The following GRIP1 variants were observed in gnomAD, a reference collection of about 807,000 sequenced individuals.
The protein encoded by GRIP1 is glutamate receptor interacting protein 1.
In GRIP1, 45 loss-of-function variants were observed where a neutral mutation model predicts 129.9. That is an observed-to-expected ratio of 0.35 (90% CI 0.27 to 0.44). The LOEUF (loss-of-function observed/expected upper bound fraction) is 0.44, where lower values mean the gene tolerates loss of function less well. Ranked by LOEUF, GRIP1 falls within the 20% of genes least tolerant of loss-of-function variation. The pLI, the probability that GRIP1 is intolerant of heterozygous loss-of-function variation, is 1.00. For synonymous variants in GRIP1, 530 were observed against 520.8 expected, an observed-to-expected ratio of 1.02 and a Z score of -0.24; for missense variants, 1,196 against 1,396.8, an observed-to-expected ratio of 0.86 and a Z score of 2.29.
Position 66,674,549 on chromosome 12 carries a change from G to A in GRIP1, c.55+4301C>T, listed in dbSNP as rs577787540. Among the ~76,000 whole-genome samples, 6 of 152,240 alleles carry A rather than the reference G, an allele frequency of 3.9e-5. No homozygotes were observed. The East Asian group carries it at 5.8e-4, about 15-fold the overall frequency. On this transcript the variant is annotated intron_variant, in intron 1 of 24. Transcript: ENST00000359742. ...TGTCAGAGTTTAAAGGGATTTAGAC[G>A]TCACCTGAGTAATCCATTAAAAGTT...
At chr12:66,572,117 A>C (rs1398753620) in intron 2 of GRIP1, among the ~76,000 whole-genome samples, 3 of 152,208 alleles carry the variant, frequency 2.0e-5, no homozygotes, top group Admixed American at 2.0e-4. Context: ...TACTCAACAG[A>C]AAGTTTATAT....
intron 1 of GRIP1, among the ~76,000 whole-genome samples, chr12:66,674,035 G>A (rs1033187246): frequency 1.3e-5 from 2 of 152,162 alleles, no homozygotes; most frequent in Non-Finnish European, 2.9e-5. Flanking sequence ...GGAAAGGGGT[G>A]GAAAGTTAAC....
chr12:66,717,666 C>T (rs983679431), intron 1 of GRIP1, among the ~76,000 whole-genome samples: 1 of 152,170 alleles, frequency 6.6e-6, no homozygotes, highest in Non-Finnish European at 1.5e-5. Context: ...TTGACTCTCT[C>T]TGTCTGCTTA....
At chr12:66,426,112 A>G (rs375368438) in intron 14 of GRIP1, among the ~76,000 whole-genome samples, 125 of 152,282 alleles carry the variant, frequency 8.2e-4, no homozygotes, top group African/African-American at 2.8e-3. Flanking sequence ...TGCTTCGTCC[A>G]GTGTTCTCAG....
intron 1 of GRIP1, among the ~76,000 whole-genome samples, chr12:66,956,160 C>T (rs1466362489): frequency 1.3e-5 from 2 of 152,160 alleles, no homozygotes; most frequent in African/African-American, 4.8e-5. Context: ...CCACTAATGT[C>T]CTTTTCCACT....
chr12:66,641,869 T>C (rs1173571252), intron 1 of GRIP1, among the ~76,000 whole-genome samples: 2 of 152,140 alleles, frequency 1.3e-5, no homozygotes, highest in Admixed American at 6.5e-5. Flanking sequence ...GAAATAAGCA[T>C]CACCTTAAAA....
At chr12:66,776,419 C>A (rs963236181) in intron 1 of GRIP1, among the ~76,000 whole-genome samples, 1 of 152,214 alleles carries the variant, frequency 6.6e-6, no homozygotes, top group African/African-American at 2.4e-5. Flanking sequence ...AAATCAAAGA[C>A]TTTCACCGAC....
At chr12:66,908,262 G>A (rs1380546800) in intron 1 of GRIP1, among the ~76,000 whole-genome samples, 1 of 152,062 alleles carries the variant, frequency 6.6e-6, no homozygotes, top group Non-Finnish European at 1.5e-5. Context: ...TTTGGCAGGA[G>A]GGCAGAAGAC....
intron 23 of GRIP1, among the ~76,000 whole-genome samples, chr12:66,354,693 A>G (rs2054395283): frequency 6.6e-6 from 1 of 152,176 alleles, no homozygotes; most frequent in South Asian, 2.1e-4. Flanking sequence ...AGTCAAAACA[A>G]AAACAAAAAC....
chr12:66,678,659 A>C (rs1275734812), intron 1 of GRIP1, among the ~76,000 whole-genome samples, 191 bp downstream of exon 1: 4 of 152,140 alleles, frequency 2.6e-5, no homozygotes. Flanking sequence ...GCACGAACAC[A>C]ACCGAGATGT....
chr12:66,829,174 C>G (rs1238115497), intron 1 of GRIP1, among the ~76,000 whole-genome samples: 1 of 152,060 alleles, frequency 6.6e-6, no homozygotes, highest in Non-Finnish European at 1.5e-5. Context: ...CAGGTAGACC[C>G]TAAATGCAAT....
intron 1 of GRIP1, among the ~76,000 whole-genome samples, chr12:66,915,328 G>A (rs975319452): frequency 6.6e-6 from 1 of 152,188 alleles, no homozygotes; most frequent in African/African-American, 2.4e-5. Context: ...AACACCATGA[G>A]AGTTAGCCTG....
At chr12:66,636,186 T>C (rs2031347002) in intron 1 of GRIP1, among the ~76,000 whole-genome samples, 2 of 152,176 alleles carry the variant, frequency 1.3e-5, no homozygotes, top group African/African-American at 2.4e-5. Flanking sequence ...GTTCCATTTC[T>C]ATGAGGCATC....
chr12:66,926,116 T>C (rs977808569), intron 1 of GRIP1, among the ~76,000 whole-genome samples: 5 of 152,204 alleles, frequency 3.3e-5, no homozygotes, highest in South Asian at 2.1e-4. Context: ...TGAAACATTC[T>C]GCAAGGAGTG....
At position 66,393,337 on chromosome 12, in the gene GRIP1, C is replaced by A. The variant is rs1488347918; in HGVS notation, c.2130-521G>T. On this transcript the variant is annotated intron_variant, in intron 17 of 24. Coordinates refer to ENST00000359742, the MANE Select transcript of GRIP1 (RefSeq NM_001366722.1). ...GGGATTACAGGCAAGCACCACCATC[C>A]CCAGCTAATTTTTCTATTTTTAGTA... Among the ~76,000 whole-genome samples, 4 of 151,978 alleles carry A rather than the reference C, an allele frequency of 2.6e-5. No homozygotes were observed. The East Asian group carries it at 7.7e-4, about 29-fold the overall frequency.
At chr12:66,901,489 TA>T (rs1483525966) in intron 1 of GRIP1, among the ~76,000 whole-genome samples, 1 of 152,252 alleles carries the variant, frequency 6.6e-6, no homozygotes, top group Non-Finnish European at 1.5e-5. Context: ...AATCACATTA[TA>T]TATTTTGACA....
intron 1 of GRIP1, among the ~76,000 whole-genome samples, chr12:66,738,065 A>G (rs996052994): frequency 6.6e-6 from 1 of 152,112 alleles, no homozygotes; most frequent in African/African-American, 2.4e-5. Context: ...CCTGGCTGGA[A>G]GGCCTGGGGG....
chr12:66,873,213 T>C (rs1370322327), intron 1 of GRIP1, among the ~76,000 whole-genome samples: 6 of 152,036 alleles, frequency 3.9e-5, no homozygotes, highest in Admixed American at 3.3e-4. Flanking sequence ...AGCCATGCAG[T>C]GATAATACCA....
chr12:66,466,371 A>G (rs926811895), intron 7 of GRIP1, among the ~76,000 whole-genome samples: 1 of 152,182 alleles, frequency 6.6e-6, no homozygotes, highest in South Asian at 2.1e-4. Flanking sequence ...TGATTAGCAC[A>G]TCAGAGGTAT....
Sources: allele counts gnomAD v4.1 joint callset (sites outside exome capture counted in the v4.1 genomes callset), GRCh38; gene constraint gnomAD v4.1.1; transcripts MANE v1.5; gene names NCBI Gene and HGNC (gene_info 2026-07-23, HGNC 2026-07-21).